SSH1: variants seen among roughly 807,000 people sequenced by gnomAD.
SSH1 encodes slingshot protein phosphatase 1, also known as protein phosphatase Slingshot homolog 1.
SSH1 carries 43 observed loss-of-function variants against 79.7 expected under a neutral mutation model. The ratio of observed to expected loss-of-function variants is 0.54; its 90% CI spans 0.42 to 0.70. The LOEUF (loss-of-function observed/expected upper bound fraction) is 0.70. Ranked by LOEUF, SSH1 falls within the 30% of genes least tolerant of loss-of-function variation. The pLI, the probability that SSH1 is intolerant of heterozygous loss-of-function variation, is 0.00. For missense variants in SSH1, 1,206 were observed against 1,358.8 expected, an observed-to-expected ratio of 0.89 and a Z score of 1.77; for synonymous variants, 599 against 538.3, an observed-to-expected ratio of 1.11 and a Z score of -1.56.
chr12:108,784,149 C>T lies in SSH1; in HGVS notation c.*3839G>A, dbSNP rs1592987825. 1 of 152,220 alleles carries T rather than the reference C, an allele frequency of 6.6e-6. No homozygotes were observed. Among genetic ancestry groups the T allele is most frequent in the South Asian group, 2.1e-4 (1 of 4,826 alleles). The allele number at this position is 152,220 out of a possible 1,614,324, so 9.4% of individuals were successfully genotyped here. On this transcript the variant is annotated 3_prime_UTR_variant, in exon 15 of 15. Transcript: ENST00000326495. ...CTAAATTATGTAGCATTTGTTCCCA[C>T]TAGAGAGAAAAGGTCCCCAGGAGAG... is the stretch of plus-strand genomic sequence containing the variant.
intron 11 of SSH1, 71 bp downstream of exon 11, chr12:108,802,251 C>T (rs2037046949): frequency 6.9e-7 from 1 of 1,456,874 alleles, no homozygotes; most frequent in South Asian, 1.2e-5. Context: ...CAAGGTCTCC[C>T]CCTCCATGGC....
chr12:108,843,871 C>T (rs1413554451), intron 2 of SSH1, among the ~76,000 whole-genome samples: 1 of 152,134 alleles, frequency 6.6e-6, no homozygotes, highest in African/African-American at 2.4e-5. Context: ...CTCCCATGTT[C>T]ATTTTGCACT....
intron 2 of SSH1, among the ~76,000 whole-genome samples, chr12:108,835,204 G>T (rs917144562): frequency 6.6e-6 from 1 of 152,160 alleles, no homozygotes; most frequent in Non-Finnish European, 1.5e-5. Flanking sequence ...TTCGTTGAGC[G>T]CTATGCTAAG....
intron 2 of SSH1, chr12:108,827,230 C>G: frequency 1.3e-6 from 2 of 1,523,690 alleles, no homozygotes; most frequent in Non-Finnish European, 1.8e-6. Context: ...CAAGCCATGG[C>G]AGGAAACCAG....
intron 2 of SSH1, among the ~76,000 whole-genome samples, chr12:108,841,827 T>C (rs921420073): frequency 1.7e-5 from 2 of 118,012 alleles, no homozygotes; most frequent in African/African-American, 7.5e-5. Context: ...AAAAAAAGTA[T>C]ATATGTGTGT....
chr12:108,824,573 T>A (rs1566004500), intron 2 of SSH1, among the ~76,000 whole-genome samples: 1 of 152,190 alleles, frequency 6.6e-6, no homozygotes, highest in Non-Finnish European at 1.5e-5. Flanking sequence ...GTTGGCCCAA[T>A]GAATTTCTCA....
At chr12:108,836,768 A>G (rs1398836197) in intron 2 of SSH1, 1 of 375,116 alleles carries the variant, frequency 2.7e-6, no homozygotes, top group Non-Finnish European at 5.7e-6. Context: ...GAATGTCACC[A>G]TAGTGGGACA....
At chr12:108,848,154 G>A (rs2038942027) in intron 2 of SSH1, among the ~76,000 whole-genome samples, 1 of 152,126 alleles carries the variant, frequency 6.6e-6, no homozygotes, top group South Asian at 2.1e-4. Context: ...AAGGGACCAG[G>A]GGGTGATATG....
chr12:108,792,421 C>A lies in SSH1; in HGVS notation c.1758G>T (p.Gln586His), dbSNP rs1486732316. Residue 586 changes from glutamine (Q) to histidine (H), a missense_variant, in exon 14 of 15, where the codon CAG becomes CAT. Coordinates refer to ENST00000326495, the MANE Select transcript of SSH1 (RefSeq NM_018984.4). ...SPKGRSGSLL[Q>H]VEETEREEGL... The stretch of plus-strand genomic sequence containing the variant: ...CCTCCTCCCTTTCCGTCTCCTCCAC[C>A]TGCAGCAAGGAGCCGCTCCGACCTT... The A allele has an allele frequency of 1.2e-6, 2 of 1,614,218 alleles. No individual in the cohort carries two copies. Among genetic ancestry groups the A allele is most frequent in the East Asian group, 2.2e-5 (1 of 44,886 alleles).
Position 108,779,009 on chromosome 12 carries a change from A to G in SSH1, c.*8979T>C, listed in dbSNP as rs2036123100. 2 of 152,008 alleles carry G rather than the reference A, an allele frequency of 1.3e-5. No individual in the cohort carries two copies. Among genetic ancestry groups the G allele is most frequent in the Non-Finnish European group, 2.9e-5 (2 of 68,006 alleles). The allele number at this position is 152,008 out of a possible 1,614,324, so 9.4% of individuals were successfully genotyped here. On this transcript the variant is annotated 3_prime_UTR_variant, in exon 15 of 15. Transcript: ENST00000326495. Reference sequence around the variant, plus strand: ...GGTAGAGATGGGGGTTCACCATGTTACCTGGGCTGGTCTTGAACTCCTGGG... The same window carrying G: ...GGTAGAGATGGGGGTTCACCATGTTGCCTGGGCTGGTCTTGAACTCCTGGG...
In SSH1 at chr12:108,792,331, C is replaced by G; in HGVS notation, c.1848G>C (p.Glu616Asp). ...TQLDQNLLNS[E>D]NLNNNSKRSC... ...TCCTCTTGCTGTTGTTGTTTAGGTT[C>G]TCCGAGTTGAGCAGGTTTTGATCGA... The change falls in exon 14 of 15, where the codon GAG (glutamate) becomes GAC (aspartate). Residue 616 changes from glutamate (E) to aspartate (D), a missense_variant. Coordinates refer to ENST00000326495, the MANE Select transcript of SSH1 (RefSeq NM_018984.4). The G allele has an allele frequency of 2.5e-6, 4 of 1,614,180 alleles. No homozygotes were observed. The highest frequency in any genetic ancestry group is 3.4e-6 in the Non-Finnish European group (4 of 1,180,030).
intron 13 of SSH1, among the ~76,000 whole-genome samples, chr12:108,794,217 T>C (rs190121707): frequency 5.3e-5 from 8 of 152,326 alleles, no homozygotes; most frequent in African/African-American, 7.2e-5. Context: ...CTGCTTCTTG[T>C]ACAGACTGAC....
At chr12:108,809,382 G>A (rs781172401) in intron 7 of SSH1, among the ~76,000 whole-genome samples, 3 of 151,330 alleles carry the variant, frequency 2.0e-5, no homozygotes, top group African/African-American at 4.9e-5. Context: ...ACCTGAGCCT[G>A]GGAGGTCAAG....
intron 2 of SSH1, among the ~76,000 whole-genome samples, chr12:108,823,956 G>T (rs530006831): frequency 1.3e-5 from 2 of 152,102 alleles, no homozygotes; most frequent in African/African-American, 4.8e-5. Context: ...GCGTGACCAC[G>T]CCCAGCCATA....
intron 13 of SSH1, among the ~76,000 whole-genome samples, chr12:108,798,303 C>T (rs1263969640): frequency 3.9e-5 from 6 of 152,218 alleles, no homozygotes; most frequent in African/African-American, 1.4e-4. Flanking sequence ...GTTGGGATTA[C>T]AGGTGTGGGC....
In SSH1 at chr12:108,803,365, A is replaced by G. The variant is rs946126935; in HGVS notation, c.955-997T>C. The stretch of plus-strand genomic sequence containing the variant: ...GCATTCAAAGGACATGGAACGGGGG[A>G]AAAAAAAAAAGAAAAGAAAAAATGA... On this transcript the variant is annotated intron_variant, in intron 10 of 14. Coordinates refer to ENST00000326495, the MANE Select transcript of SSH1 (RefSeq NM_018984.4). Among the ~76,000 whole-genome samples the G allele has an allele frequency of 1.3e-3, 87 of 66,928 alleles. 1 individual carries two copies. The highest frequency in any genetic ancestry group is 2.6e-3 in the South Asian group (4 of 1,558). 43.9% of individuals were successfully genotyped at this position (66,928 alleles called of 152,430 possible). A position where few individuals can be genotyped will look rare whatever the true frequency, so the allele number is the denominator to read the frequency against.
Position 108,844,547 on chromosome 12 carries a change from T to C in SSH1, c.110+8091A>G, listed in dbSNP as rs80097852. Among the ~76,000 whole-genome samples the C allele has an allele frequency of 1.8e-3, 277 of 152,316 alleles. 2 individuals carry two copies. The highest frequency in any genetic ancestry group is 2.8e-3 in the Admixed American group (43 of 15,300). On this transcript the variant is annotated intron_variant, in intron 2 of 14. Transcript: ENST00000326495. Reference sequence around the variant, plus strand: ...CTACTTGTTTACATGTGTTCTATGTTAGACTGGGGGCATCCCTAGAACACA... The same window carrying C: ...CTACTTGTTTACATGTGTTCTATGTCAGACTGGGGGCATCCCTAGAACACA...
chr12:108,812,908 G>A (rs1208391845), intron 5 of SSH1, among the ~76,000 whole-genome samples: 1 of 150,034 alleles, frequency 6.7e-6, no homozygotes, highest in Non-Finnish European at 1.5e-5. Context: ...CGTTGCCCAG[G>A]CTGGAATACA....
chr12:108,842,316 C>CT (rs2038796932), intron 2 of SSH1, among the ~76,000 whole-genome samples: 6 of 152,206 alleles, frequency 3.9e-5, no homozygotes, highest in Non-Finnish European at 8.8e-5. Context: ...GAGGCCACTA[C>CT]CTACAAGGCC....
Sources: gnomAD v4.1 joint callset for allele counts (sites outside exome capture counted in the v4.1 genomes callset) on GRCh38, gnomAD v4.1.1 for gene constraint, MANE v1.5 for transcripts, NCBI Gene and HGNC (gene_info 2026-07-23, HGNC 2026-07-21) for gene names.